Variants in PTPRG observed in about 807,000 individuals in gnomAD.
PTPRG encodes receptor-type tyrosine-protein phosphatase gamma.
In PTPRG, 102 loss-of-function variants were observed where a neutral mutation model predicts 165.3. The ratio of observed to expected loss-of-function variants is 0.62; its 90% CI spans 0.53 to 0.73. The LOEUF is 0.73. PTPRG is among the 30% of genes least tolerant of loss of function. The pLI, the probability that PTPRG is intolerant of heterozygous loss-of-function variation, is 0.00. For missense variants in PTPRG, 1,866 were observed against 1,861.4 expected (o/e 1.00, Z -0.05); for synonymous variants, 675 against 669.5 (o/e 1.01, Z -0.13).
intron 1 of PTPRG, among the ~76,000 whole-genome samples, chr3:61,738,000 C>CG (rs1177951450): frequency 6.7e-6 from 1 of 150,022 alleles, no homozygotes; most frequent in African/African-American, 2.4e-5. Context: ...GCTCCGCCTC[C>CG]GGGGTTCACG....
chr3:61,814,338 AG>A (rs1441576516), intron 2 of PTPRG, among the ~76,000 whole-genome samples: 1 of 152,204 alleles, frequency 6.6e-6, no homozygotes, highest in African/African-American at 2.4e-5. Context: ...AAGAGCTTAT[AG>A]TTCATAACCA....
intron 1 of PTPRG, chr3:61,739,032 C>G (rs1237004132): frequency 8.6e-6 from 1 of 116,678 alleles, no homozygotes; most frequent in Non-Finnish European, 1.6e-5. Flanking sequence ...GCTTTGTTGC[C>G]TAGACTGGTC....
intron 2 of PTPRG, among the ~76,000 whole-genome samples, chr3:61,778,742 C>T (rs961386769): frequency 4.6e-5 from 7 of 152,134 alleles, no homozygotes; most frequent in Non-Finnish European, 8.8e-5. Flanking sequence ...AGATAGATAA[C>T]AGCAGCAGGA....
chr3:61,984,963 G>A (rs1006750313), intron 2 of PTPRG, among the ~76,000 whole-genome samples: 8 of 152,190 alleles, frequency 5.3e-5, no homozygotes, highest in Non-Finnish European at 1.2e-4. Context: ...TGAATTTTTG[G>A]AAAGAATACC....
At chr3:62,153,951 A>G (rs1345570891) in intron 6 of PTPRG, among the ~76,000 whole-genome samples, 1 of 152,172 alleles carries the variant, frequency 6.6e-6, no homozygotes, top group Non-Finnish European at 1.5e-5. Context: ...CTCTCCAGGC[A>G]TACTGTTTCA....
chr3:61,721,810 T>G (rs1035547672), intron 1 of PTPRG, among the ~76,000 whole-genome samples: 1 of 152,114 alleles, frequency 6.6e-6, no homozygotes, highest in Non-Finnish European at 1.5e-5. Flanking sequence ...AAGAAATAAG[T>G]TAGTATAAAT....
intron 4 of PTPRG, among the ~76,000 whole-genome samples, chr3:62,062,715 C>T (rs1700861115): frequency 6.6e-6 from 1 of 151,822 alleles, no homozygotes; most frequent in African/African-American, 2.4e-5. Context: ...GTTACTTAGG[C>T]TGGTGGGCAA....
intron 4 of PTPRG, among the ~76,000 whole-genome samples, chr3:62,025,002 A>G (rs559139097): frequency 6.6e-6 from 1 of 152,282 alleles, no homozygotes; most frequent in Admixed American, 6.5e-5. Context: ...TTGTTGGCAT[A>G]AAAGTTATTT....
At chr3:62,142,918 C>G (rs1454338603) in intron 6 of PTPRG, among the ~76,000 whole-genome samples, 1 of 152,154 alleles carries the variant, frequency 6.6e-6, no homozygotes, top group Admixed American at 6.5e-5. Context: ...TGAGATACAA[C>G]CACCATGGCC....
chr3:62,154,618 A>T (rs376030166), intron 6 of PTPRG, among the ~76,000 whole-genome samples: 83 of 152,268 alleles, frequency 5.5e-4, no homozygotes, highest in African/African-American at 2.0e-3. Flanking sequence ...CTTTAAAGCC[A>T]TGGCCTCTTC....
intron 3 of PTPRG, among the ~76,000 whole-genome samples, chr3:62,000,842 A>G (rs1040838126): frequency 3.3e-5 from 5 of 152,178 alleles, no homozygotes; most frequent in African/African-American, 1.2e-4. Flanking sequence ...ACCACTGAAT[A>G]TGTGTTTGCT....
chr3:61,692,383 G>C (rs947394463), intron 1 of PTPRG, among the ~76,000 whole-genome samples: 6 of 152,202 alleles, frequency 3.9e-5, no homozygotes, highest in Non-Finnish European at 7.3e-5. Flanking sequence ...AAATGAAATA[G>C]TGTACAAAAT....
At position 62,082,250 on chromosome 3, in the gene PTPRG, G is replaced by A. The variant is rs184401527; in HGVS notation, c.615+3992G>A. Among the ~76,000 whole-genome samples, 31 of 152,134 alleles carry A rather than the reference G, an allele frequency of 2.0e-4. 1 individual carries two copies. Among genetic ancestry groups the A allele is most frequent in the African/African-American group, 7.2e-4 (30 of 41,498 alleles). ...ATGCTTCTTTTTTTGTTCTCAACAT[G>A]TGCCCATTATTCCTGGTAATTTTGG... is the stretch of plus-strand genomic sequence containing the variant. On this transcript the variant is annotated intron_variant, in intron 5 of 29. Transcript: ENST00000474889.
chr3:61,847,169 G>C (rs190671556), intron 2 of PTPRG, among the ~76,000 whole-genome samples: 1 of 152,248 alleles, frequency 6.6e-6, no homozygotes, highest in East Asian at 1.9e-4. Context: ...TGCCATACGG[G>C]AGTAGAATGG....
At chr3:61,600,109 A>G (rs1052899578) in intron 1 of PTPRG, among the ~76,000 whole-genome samples, 1 of 151,160 alleles carries the variant, frequency 6.6e-6, no homozygotes, top group Non-Finnish European at 1.5e-5. Flanking sequence ...GCAGTGAGCC[A>G]AGAGCAAGCC....
rs191791740 is a variant in PTPRG at position 62,146,788 on chromosome 3, G to A, written c.683-10279G>A. Among the ~76,000 whole-genome samples the A allele has an allele frequency of 9.2e-4, 140 of 152,290 alleles. 3 individuals carry two copies. Among genetic ancestry groups the A allele is most frequent in the Non-Finnish European group, 3.5e-4 (24 of 68,028 alleles). On this transcript the variant is annotated intron_variant, in intron 6 of 29. Coordinates refer to ENST00000474889, the MANE Select transcript of PTPRG (RefSeq NM_002841.4). ...CAGTGGTAGCCTGAAAGCATCCGTA[G>A]ACAATGCATAAACAAATGAGCTGTG...
chr3:61,814,482 T>A (rs1312544305), intron 2 of PTPRG, among the ~76,000 whole-genome samples: 1 of 152,092 alleles, frequency 6.6e-6, no homozygotes, highest in Non-Finnish European at 1.5e-5. Flanking sequence ...ATATCTGACT[T>A]ACTGTAGTTC....
Position 62,267,465 on chromosome 3 carries a change from C to A in PTPRG, c.2712C>A (p.Ser904Arg), listed in dbSNP as rs781276396. 1 of 1,611,714 alleles carries A rather than the reference C, an allele frequency of 6.2e-7. No individual in the cohort carries two copies. Among genetic ancestry groups the A allele is most frequent in the Admixed American group, 1.7e-5 (1 of 59,938 alleles). ...TACCAGGAAAAGACTCTAAGCACAG[C>A]GACTACATTAATGCAAACTATGTTG... ...RPLPGKDSKH[S>R]DYINANYVDG... The change falls in exon 18 of 30, where the codon AGC becomes AGA. Residue 904 changes from serine (S) to arginine (R), a missense_variant. Transcript: ENST00000474889.
intron 10 of PTPRG, among the ~76,000 whole-genome samples, chr3:62,198,712 G>A (rs369352652): frequency 1.4e-4 from 21 of 152,340 alleles, no homozygotes; most frequent in African/African-American, 4.8e-4. Context: ...TGGTTGGTCT[G>A]TTAGCTCCAG....
Sources: gnomAD v4.1 joint callset for allele counts (sites outside exome capture counted in the v4.1 genomes callset) on GRCh38, gnomAD v4.1.1 for gene constraint, MANE v1.5 for transcripts, NCBI Gene and HGNC (gene_info 2026-07-23, HGNC 2026-07-21) for gene names.